Variants in MYO5B observed in about 807,000 individuals in gnomAD.
MYO5B encodes unconventional myosin-Vb.
In MYO5B, 143 loss-of-function variants were observed where a neutral mutation model predicts 229.3. That is an observed-to-expected ratio of 0.62 (90% confidence interval 0.54 to 0.72). The LOEUF is 0.72. Ranked by LOEUF, MYO5B falls within the 30% of genes least tolerant of loss-of-function variation. The probability of loss-of-function intolerance (pLI) is 0.00; values close to 1 mark genes in which losing one functional copy is unlikely to be tolerated. For synonymous variants in MYO5B, 918 were observed against 885.2 expected, an observed-to-expected ratio of 1.04 and a Z score of -0.66; for missense variants, 2,321 against 2,331.0, an observed-to-expected ratio of 1.00 and a Z score of 0.09.
At chr18:49,930,214 AG>A (rs549443966) in intron 16 of MYO5B, among the ~76,000 whole-genome samples, 115 of 152,352 alleles carry the variant, frequency 7.5e-4, no homozygotes, top group African/African-American at 2.7e-3. Flanking sequence ...CCCTGAAAGC[AG>A]GTGGAACCAT....
chr18:49,830,210 TA>T (rs200598400), intron 39 of MYO5B, among the ~76,000 whole-genome samples: 104 of 147,328 alleles, frequency 7.1e-4, no homozygotes, highest in South Asian at 2.1e-3. Context: ...AAGTACATAA[TA>T]AAAAAAAACA....
intron 17 of MYO5B, among the ~76,000 whole-genome samples, chr18:49,924,521 C>T (rs2025108752): frequency 6.6e-6 from 1 of 152,196 alleles, no homozygotes. Flanking sequence ...TCTGGCAGGC[C>T]ACAGCTCTGC....
intron 14 of MYO5B, among the ~76,000 whole-genome samples, chr18:49,949,437 A>G (rs1423907114): frequency 6.6e-6 from 1 of 152,112 alleles, no homozygotes; most frequent in East Asian, 1.9e-4. Context: ...TTAAGTCTCT[A>G]TTTACAGCTC....
intron 1 of MYO5B, among the ~76,000 whole-genome samples, chr18:50,144,986 G>T (rs2032476910): frequency 6.6e-6 from 1 of 152,138 alleles, no homozygotes. Context: ...CTCAATACAG[G>T]CCTTGAATCA....
chr18:49,954,583 G>T lies in MYO5B; in HGVS notation c.1546-148C>A. 5 of 1,095,658 alleles carry T rather than the reference G, an allele frequency of 4.6e-6. No individual in the cohort carries two copies. In the South Asian group the frequency reaches 5.2e-5, roughly 11 times the overall value. The allele number at this position is 1,095,658 out of a possible 1,614,324, so 67.9% of individuals were successfully genotyped here. A position where few individuals can be genotyped will look rare whatever the true frequency, so the allele number is the denominator to read the frequency against. On this transcript the variant is annotated intron_variant, in intron 12 of 39. Coordinates refer to ENST00000285039, the MANE Select transcript of MYO5B (RefSeq NM_001080467.3). Reference sequence around the variant, plus strand: ...ACCTTAACTGGACGGTGCAAAGAATGATTCAACCATACATGTTCAGGATCC... The same window carrying T: ...ACCTTAACTGGACGGTGCAAAGAATTATTCAACCATACATGTTCAGGATCC...
intron 17 of MYO5B, among the ~76,000 whole-genome samples, chr18:49,922,467 A>C (rs564575340): frequency 6.6e-6 from 1 of 152,274 alleles, no homozygotes; most frequent in South Asian, 2.1e-4. Flanking sequence ...GGTTGTGGTG[A>C]GAGGAAAAGG....
At chr18:49,982,539 C>G (rs1725506933) in intron 8 of MYO5B, among the ~76,000 whole-genome samples, 1 of 152,116 alleles carries the variant, frequency 6.6e-6, no homozygotes. Context: ...ATAAGTGGTA[C>G]CTCACGCTAT....
chr18:50,138,302 T>G (rs982564896), intron 1 of MYO5B, among the ~76,000 whole-genome samples: 2 of 152,136 alleles, frequency 1.3e-5, no homozygotes, highest in African/African-American at 4.8e-5. Context: ...CACTTCAATC[T>G]CCACAAAGAT....
intron 12 of MYO5B, among the ~76,000 whole-genome samples, chr18:49,959,148 G>T (rs1177752312): frequency 1.5e-5 from 2 of 135,230 alleles, no homozygotes; most frequent in Non-Finnish European, 3.2e-5. Flanking sequence ...CTCCTCATCT[G>T]ACTTCGCTTG....
At chr18:50,182,275 C>G (rs931669316) in intron 1 of MYO5B, among the ~76,000 whole-genome samples, 1 of 152,202 alleles carries the variant, frequency 6.6e-6, no homozygotes, top group African/African-American at 2.4e-5. Flanking sequence ...AAGCCACTGG[C>G]TTTGCTACAT....
At chr18:50,143,607 G>T (rs556326512) in intron 1 of MYO5B, among the ~76,000 whole-genome samples, 1 of 152,126 alleles carries the variant, frequency 6.6e-6, no homozygotes, top group Admixed American at 6.5e-5. Context: ...GAATAAGGAA[G>T]AATAAAAAGT....
intron 14 of MYO5B, among the ~76,000 whole-genome samples, chr18:49,948,476 T>G (rs2025398978): frequency 6.6e-6 from 1 of 152,224 alleles, no homozygotes; most frequent in South Asian, 2.1e-4. Context: ...ACTAAAAAGT[T>G]ATCCTACATA....
intron 1 of MYO5B, among the ~76,000 whole-genome samples, chr18:50,112,104 T>C (rs1265239211): frequency 6.6e-6 from 1 of 152,162 alleles, no homozygotes; most frequent in Non-Finnish European, 1.5e-5. Flanking sequence ...AAGAGAGCTA[T>C]ATTAGATCGA....
chr18:50,164,444 T>C (rs991918089), intron 1 of MYO5B, among the ~76,000 whole-genome samples: 5 of 152,218 alleles, frequency 3.3e-5, no homozygotes, highest in African/African-American at 4.8e-5. Flanking sequence ...GTAACTGACA[T>C]CTGTGACCAT....
intron 8 of MYO5B, among the ~76,000 whole-genome samples, chr18:49,983,641 C>T (rs2025839843): frequency 6.6e-6 from 1 of 152,202 alleles, no homozygotes; most frequent in Non-Finnish European, 1.5e-5. Context: ...TCATTTATCC[C>T]TTTTGTAGTC....
At chr18:49,882,459 C>G (rs1598854675) in intron 22 of MYO5B, among the ~76,000 whole-genome samples, 1 of 151,868 alleles carries the variant, frequency 6.6e-6, no homozygotes, top group East Asian at 1.9e-4. Context: ...GACACCCCGT[C>G]TCTACTAAAA....
intron 14 of MYO5B, among the ~76,000 whole-genome samples, chr18:49,939,139 CTTTTTTTTCT>C (rs1485495984): frequency 1.5e-5 from 2 of 130,578 alleles, no homozygotes; most frequent in African/African-American, 5.7e-5. Flanking sequence ...AACACTCTTT[CTTTTTTTTCT>C]TTTTTTTTTT....
intron 1 of MYO5B, among the ~76,000 whole-genome samples, chr18:50,136,962 T>A (rs2032345788): frequency 6.6e-6 from 1 of 152,234 alleles, no homozygotes; most frequent in South Asian, 2.1e-4. Flanking sequence ...TTATAGTCAC[T>A]AGTGGTAACA....
rs546360381 is a variant in MYO5B, at chr18:49,910,264, G to A, written c.2202+1798C>T. Among the ~76,000 whole-genome samples, 5 of 152,272 alleles carry A rather than the reference G, an allele frequency of 3.3e-5. No individual in the cohort carries two copies. In the East Asian group the frequency reaches 5.8e-4, roughly 18 times the overall value. ...GGGGCCGACTCAGCCAGTCTGATCCGGGTCCCCTCCAGAGTTCCCTCTTTG... is the reference window on the plus strand; with the variant it reads ...GGGGCCGACTCAGCCAGTCTGATCCAGGTCCCCTCCAGAGTTCCCTCTTTG... On this transcript the variant is annotated intron_variant, in intron 18 of 39. Transcript: ENST00000285039.
Sources: gnomAD v4.1 joint callset for allele counts (sites outside exome capture counted in the v4.1 genomes callset) on GRCh38, gnomAD v4.1.1 for gene constraint, MANE v1.5 for transcripts, NCBI Gene and HGNC (gene_info 2026-07-23, HGNC 2026-07-21) for gene names.